Variants in ZNF592 observed in about 807,000 individuals in gnomAD.
ZNF592 encodes zinc finger protein 592.
In ZNF592, 11 loss-of-function variants were observed where a neutral mutation model predicts 80.3. The observed-to-expected ratio is 0.14, with a 90% confidence interval of 0.09 to 0.23. The LOEUF is 0.23. ZNF592 is among the 10% of genes least tolerant of loss of function. The pLI is 1.00. For synonymous variants in ZNF592, 646 were observed against 640.3 expected, an observed-to-expected ratio of 1.01 and a Z score of -0.13; for missense variants, 1,420 against 1,633.9, an observed-to-expected ratio of 0.87 and a Z score of 2.26.
At position 84,786,447 on chromosome 15, in the gene ZNF592, TGA is replaced by T. The variant is rs549090066; in HGVS notation, c.2220+1556_2220+1557del. On this transcript the variant is annotated intron_variant, in intron 4 of 10. Coordinates refer to ENST00000560079, the MANE Select transcript of ZNF592 (RefSeq NM_014630.3). ...TTTGAGTATAGGGAGCAAAGGAATA[TGA>T]GAGTGCAGAGTGGGTTTGAAGAAGA... Among the ~76,000 whole-genome samples the T allele has an allele frequency of 1.2e-3, 179 of 152,240 alleles. 1 individual carries two copies. Among genetic ancestry groups the T allele is most frequent in the African/African-American group, 4.1e-3 (171 of 41,560 alleles).
intron 3 of ZNF592, among the ~76,000 whole-genome samples, chr15:84,782,188 C>G (rs868273963): frequency 6.6e-6 from 1 of 152,048 alleles, no homozygotes; most frequent in South Asian, 2.1e-4. Flanking sequence ...AAAGAAACCC[C>G]AAAGTTATAT....
intron 2 of ZNF592, among the ~76,000 whole-genome samples, chr15:84,776,617 A>G (rs945723946): frequency 2.6e-5 from 4 of 152,190 alleles, no homozygotes; most frequent in East Asian, 1.9e-4. Context: ...TTAGCCGGGC[A>G]TGGTGGCACA....
intron 1 of ZNF592, among the ~76,000 whole-genome samples, chr15:84,763,052 A>T (rs1434677395): frequency 1.3e-5 from 2 of 152,210 alleles, no homozygotes; most frequent in Non-Finnish European, 2.9e-5. Flanking sequence ...TGCCCTATTC[A>T]GTAGCACCTT....
In ZNF592 at chr15:84,799,893, C is replaced by T; in HGVS notation, c.3189C>T (p.Ser1063=). ...PSFPRPSLLE[S]HISLMHGIRN... ...TTCCTCGGCCCTCCCTTCTGGAGAG[C>T]CACATCAGCCTTATGCATGGCATCA... Residue 1063 remains serine, a synonymous_variant, in exon 10 of 11, where the codon AGC becomes AGT. Coordinates refer to ENST00000560079, the MANE Select transcript of ZNF592 (RefSeq NM_014630.3). The surrounding 1 kb of genome is among the most constrained non-coding windows in gnomAD (Gnocchi z 4.2). 1 of 1,614,228 alleles carries T rather than the reference C, an allele frequency of 6.2e-7. No individual in the cohort carries two copies. Among genetic ancestry groups the T allele is most frequent in the Middle Eastern group, 1.6e-4 (1 of 6,062 alleles).
intron 2 of ZNF592, among the ~76,000 whole-genome samples, chr15:84,772,111 T>C (rs144228547): frequency 6.4e-4 from 98 of 152,314 alleles, no homozygotes; most frequent in African/African-American, 2.3e-3. Context: ...CCTTATTCTT[T>C]TAGCTATACC....
At chr15:84,782,516 A>G (rs1393726893) in intron 3 of ZNF592, 141 bp from the exon 4 acceptor site, 19 of 816,272 alleles carry the variant, frequency 2.3e-5, no homozygotes, top group Non-Finnish European at 2.7e-5. Context: ...GGTAAAACTG[A>G]GGTGTGTGGC....
At chr15:84,782,628 A>G (rs760185760) in intron 3 of ZNF592, 29 bp from the exon 4 acceptor site, 1 of 1,608,398 alleles carries the variant, frequency 6.2e-7, no homozygotes, top group Admixed American at 1.7e-5. Context: ...CCTGGTGGTC[A>G]CTGATTCTGT....
At chr15:84,796,296 A>ATATATATATATATATATATATATAT (rs1567076462) in intron 5 of ZNF592, among the ~76,000 whole-genome samples, 5 of 40,140 alleles carry the variant, frequency 1.2e-4, no homozygotes, top group African/African-American at 2.6e-4. Context: ...TATATATATA[A>ATATATATATATATATATATATATAT]AAAAACGAAG....
intron 4 of ZNF592, among the ~76,000 whole-genome samples, chr15:84,789,130 C>G (rs1314942704): frequency 6.6e-6 from 1 of 151,394 alleles, no homozygotes; most frequent in African/African-American, 2.4e-5. Context: ...TGCCTATAAT[C>G]CCAGCTACTC....
At chr15:84,756,964 G>A (rs11857312) in intron 1 of ZNF592, among the ~76,000 whole-genome samples, 12,221 of 151,842 alleles carry the variant, frequency 0.08, 653 homozygotes, top group East Asian at 0.24. Flanking sequence ...ATACAATAAC[G>A]TAGCTGGCCA....
rs1962977639 is a variant in ZNF592 at position 84,798,216 on chromosome 15, T to G, written c.2577-99T>G. ...GAGCATCCACATTGGCTCAGGGTAGTGCTTTCCCAAACTTGACCCTGGTTC... is the reference window on the plus strand; with the variant it reads ...GAGCATCCACATTGGCTCAGGGTAGGGCTTTCCCAAACTTGACCCTGGTTC... On this transcript the variant is annotated intron_variant, in intron 6 of 10. Coordinates refer to ENST00000560079, the MANE Select transcript of ZNF592 (RefSeq NM_014630.3). This position sits in a 1 kb window ranked among gnomAD's most constrained non-coding sequence, Gnocchi z 4.5. 1 of 1,593,948 alleles carries G rather than the reference T, an allele frequency of 6.3e-7. No homozygotes were observed. Among genetic ancestry groups the G allele is most frequent in the Admixed American group, 1.7e-5 (1 of 59,916 alleles).
intron 1 of ZNF592, among the ~76,000 whole-genome samples, chr15:84,749,190 G>A (rs1014438570): frequency 5.3e-5 from 8 of 152,210 alleles, no homozygotes; most frequent in Non-Finnish European, 1.0e-4. Flanking sequence ...GGTTTCTCCC[G>A]GAGCAGACAG....
chr15:84,764,909 TG>T (rs57484972), intron 2 of ZNF592, 94 bp downstream of exon 2: 26,804 of 332,856 alleles, frequency 0.081, 764 homozygotes, highest in African/African-American at 0.27. Context: ...TGTTTTGTTT[TG>T]TTTTTTTTTG....
intron 2 of ZNF592, among the ~76,000 whole-genome samples, chr15:84,767,872 T>G (rs1418533302): frequency 6.7e-6 from 1 of 149,478 alleles, no homozygotes; most frequent in Non-Finnish European, 1.5e-5. Flanking sequence ...TATTTGTTTC[T>G]TTTCTTTTCT....
chr15:84,794,293 A>G (rs1174282519), intron 5 of ZNF592, among the ~76,000 whole-genome samples: 1 of 152,216 alleles, frequency 6.6e-6, no homozygotes, highest in African/African-American at 2.4e-5. Context: ...AGAAACTGTC[A>G]GACTATTTTC....
intron 5 of ZNF592, among the ~76,000 whole-genome samples, chr15:84,792,439 T>C (rs1158669266): frequency 6.6e-6 from 1 of 152,206 alleles, no homozygotes; most frequent in African/African-American, 2.4e-5. Flanking sequence ...CATTTCTGTC[T>C]TGGGGTAAAC....
intron 2 of ZNF592, among the ~76,000 whole-genome samples, chr15:84,774,131 G>A (rs150480783): frequency 1.3e-5 from 2 of 152,284 alleles, no homozygotes; most frequent in African/African-American, 4.8e-5. Flanking sequence ...TTCACTGATG[G>A]TCACTTGCTA....
intron 3 of ZNF592, among the ~76,000 whole-genome samples, chr15:84,779,324 A>T (rs1221593374): frequency 1.3e-5 from 2 of 152,172 alleles, no homozygotes; most frequent in Admixed American, 1.3e-4. Flanking sequence ...ATTTAAAAAC[A>T]ATGTGATGCT....
rs756945266 is a variant in ZNF592 at position 84,798,711 on chromosome 15, C to T, written c.2860C>T (p.Arg954Trp). 1.6e-5 allele frequency: 26 copies of T among 1,612,924 alleles called. No individual in the cohort carries two copies. The highest frequency in any genetic ancestry group is 2.2e-5 in the East Asian group (1 of 44,888). The change falls in exon 8 of 11, where the codon CGG becomes TGG. Residue 954 changes from arginine to tryptophan, a missense_variant. Transcript: ENST00000560079. The surrounding 1 kb of genome is among the most constrained non-coding windows in gnomAD (Gnocchi z 4.5). ...GCCACCAGCCACTAGTGTGGCTGCT[C>T]GGAGCAGCTCCCTGCCTTCTGGCCG... is the stretch of plus-strand genomic sequence containing the variant. ...TEPPATSVAA[R>W]SSSLPSGRWG...
Sources: gnomAD v4.1 joint callset for allele counts (sites outside exome capture counted in the v4.1 genomes callset) on GRCh38, gnomAD v4.1.1 for gene constraint, Gnocchi (gnomAD v3.1) non-coding constraint, MANE v1.5 for transcripts, NCBI Gene and HGNC (gene_info 2026-07-23, HGNC 2026-07-21) for gene names.